The following GOSR1 variants were observed in gnomAD, a reference collection of about 807,000 sequenced individuals.
GOSR1 encodes the protein golgi SNAP receptor complex member 1.
GOSR1 carries 21 observed loss-of-function variants against 35.5 expected under a neutral mutation model. The ratio of observed to expected loss-of-function variants is 0.59; its 90% CI spans 0.42 to 0.85. The LOEUF (loss-of-function observed/expected upper bound fraction) is 0.85. GOSR1 is among the 40% of genes least tolerant of loss of function. The pLI is 0.00. For missense variants in GOSR1, 285 were observed against 309.6 expected, an observed-to-expected ratio of 0.92 and a Z score of 0.60; for synonymous variants, 94 against 106.6, an observed-to-expected ratio of 0.88 and a Z score of 0.73.
intron 4 of GOSR1, among the ~76,000 whole-genome samples, chr17:30,488,473 T>A (rs1914820310): frequency 6.6e-6 from 1 of 151,798 alleles, no homozygotes; most frequent in Non-Finnish European, 1.5e-5. Context: ...CTAAATATAG[T>A]TTTTTTTAAA....
At chr17:30,487,471 A>G (rs1914747585) in intron 4 of GOSR1, among the ~76,000 whole-genome samples, 1 of 152,218 alleles carries the variant, frequency 6.6e-6, no homozygotes, top group South Asian at 2.1e-4. Flanking sequence ...AATAAGAAAA[A>G]GACAGTAGGA....
intron 4 of GOSR1, among the ~76,000 whole-genome samples, chr17:30,485,838 A>G (rs1597760011): frequency 1.3e-5 from 2 of 152,232 alleles, no homozygotes; most frequent in East Asian, 3.9e-4. Flanking sequence ...CCTGGCCAAC[A>G]TGGCGAAACC....
intron 4 of GOSR1, among the ~76,000 whole-genome samples, chr17:30,489,376 C>G (rs555639791): frequency 6.6e-6 from 1 of 151,930 alleles, no homozygotes; most frequent in East Asian, 1.9e-4. Context: ...GAGCAAGACT[C>G]TTGTCTCCAA....
intron 6 of GOSR1, among the ~76,000 whole-genome samples, chr17:30,497,159 A>T (rs1350972505): frequency 6.6e-6 from 1 of 152,182 alleles, no homozygotes; most frequent in Non-Finnish European, 1.5e-5. Context: ...GCTACTCAGG[A>T]GGCTGAGTTG....
intron 4 of GOSR1, among the ~76,000 whole-genome samples, chr17:30,488,875 TA>T (rs1381661642): frequency 1.3e-5 from 2 of 152,104 alleles, no homozygotes; most frequent in African/African-American, 4.8e-5. Context: ...TGAAAACAAC[TA>T]ATGTGTTTAT....
chr17:30,487,893 G>T (rs948143201), intron 4 of GOSR1, among the ~76,000 whole-genome samples: 1 of 151,730 alleles, frequency 6.6e-6, no homozygotes, highest in Non-Finnish European at 1.5e-5. Context: ...CTTCTGCCTC[G>T]GCCTCCCGAG....
intron 7 of GOSR1, among the ~76,000 whole-genome samples, chr17:30,513,456 C>G (rs1967686652): frequency 6.6e-6 from 1 of 152,100 alleles, no homozygotes; most frequent in Admixed American, 6.5e-5. Context: ...CTGCTTGACT[C>G]TGAGTCATGA....
At chr17:30,508,718 A>C (rs1488759534) in intron 6 of GOSR1, among the ~76,000 whole-genome samples, 2 of 152,202 alleles carry the variant, frequency 1.3e-5, no homozygotes, top group Non-Finnish European at 2.9e-5. Context: ...GTTATTGAGA[A>C]ACTAATAGCA....
chr17:30,490,454 T>C (rs1446674572), intron 5 of GOSR1: 1 of 349,114 alleles, frequency 2.9e-6, no homozygotes, highest in African/African-American at 2.1e-5. Flanking sequence ...GACTTTCCTG[T>C]CTTAATTCAA....
At chr17:30,506,019 C>T (rs531449526) in intron 6 of GOSR1, among the ~76,000 whole-genome samples, 43 of 152,274 alleles carry the variant, frequency 2.8e-4, no homozygotes, top group East Asian at 7.7e-4. Context: ...CATGAGCCAC[C>T]GTGCCCGGCC....
chr17:30,512,463 A>G (rs534372027), intron 7 of GOSR1, among the ~76,000 whole-genome samples: 93 of 152,188 alleles, frequency 6.1e-4, no homozygotes, highest in Non-Finnish European at 9.1e-4. Context: ...TAAATATTTC[A>G]GTGTTCGTTT....
intron 7 of GOSR1, among the ~76,000 whole-genome samples, chr17:30,516,706 A>C (rs1967830382): frequency 6.6e-6 from 1 of 151,958 alleles, no homozygotes; most frequent in African/African-American, 2.4e-5. Flanking sequence ...AGTTAATAGA[A>C]ATACTAACTT....
intron 1 of GOSR1, chr17:30,477,867 G>T: frequency 1.0e-6 from 1 of 985,192 alleles, no homozygotes; most frequent in Non-Finnish European, 1.2e-6. Flanking sequence ...GCGCATTGGA[G>T]CTGAGGTCAC....
intron 6 of GOSR1, among the ~76,000 whole-genome samples, chr17:30,498,320 T>C (rs1007648556): frequency 1.5e-4 from 23 of 152,168 alleles, no homozygotes; most frequent in South Asian, 4.2e-4. Context: ...GTGCTGGAGA[T>C]AGAGAAGTTG....
intron 6 of GOSR1, among the ~76,000 whole-genome samples, chr17:30,500,898 T>G (rs1035088347): frequency 6.7e-6 from 1 of 150,294 alleles, no homozygotes; most frequent in Non-Finnish European, 1.5e-5. Flanking sequence ...TTTTTTTTTT[T>G]GAGACGGAGT....
At chr17:30,481,879 C>T (rs761643899) in intron 2 of GOSR1, among the ~76,000 whole-genome samples, 43 of 151,880 alleles carry the variant, frequency 2.8e-4, no homozygotes, top group Non-Finnish European at 5.4e-4. Context: ...CGTGTAATCC[C>T]GGGACTTTAG....
chr17:30,521,955 G>T (rs920236173), intron 8 of GOSR1, among the ~76,000 whole-genome samples: 1 of 152,104 alleles, frequency 6.6e-6, no homozygotes, highest in Non-Finnish European at 1.5e-5. Context: ...CTGAAGCCTG[G>T]CAGTAAGCCC....
At chr17:30,479,065 A>G (rs1479759869) in intron 1 of GOSR1, 2 of 152,240 alleles carry the variant, frequency 1.3e-5, no homozygotes, top group Non-Finnish European at 2.9e-5. Flanking sequence ...TGAAGTTCAT[A>G]GGTTAAGTAG....
chr17:30,485,758 G>A (rs912699653), intron 4 of GOSR1, among the ~76,000 whole-genome samples: 2 of 152,048 alleles, frequency 1.3e-5, no homozygotes, highest in African/African-American at 2.4e-5. Context: ...GCAGTGGCTC[G>A]TGCCTGTAAT....
Sources: allele counts gnomAD v4.1 joint callset (sites outside exome capture counted in the v4.1 genomes callset), GRCh38; gene constraint gnomAD v4.1.1; transcripts MANE v1.5; gene names NCBI Gene and HGNC (gene_info 2026-07-23, HGNC 2026-07-21).